The following OLAH variants were observed in gnomAD, a reference collection of about 807,000 sequenced individuals.
OLAH encodes the protein oleoyl-ACP hydrolase, also known as S-acyl fatty acid synthase thioesterase, medium chain.
In OLAH, 33 loss-of-function variants were observed where a neutral mutation model predicts 27.8. The observed-to-expected ratio is 1.19, with a 90% CI of 0.90 to 1.59. The LOEUF (loss-of-function observed/expected upper bound fraction) is 1.59, where lower values mean the gene tolerates loss of function less well. OLAH is among the 40% of genes most tolerant of loss of function. The probability of loss-of-function intolerance (pLI) is 0.00; values close to 1 mark genes in which losing one functional copy is unlikely to be tolerated. For synonymous variants in OLAH, 120 were observed against 102.9 expected, an observed-to-expected ratio of 1.17 and a Z score of -1.01; for missense variants, 359 against 310.8, an observed-to-expected ratio of 1.16 and a Z score of -1.17.
intron 3 of OLAH, among the ~76,000 whole-genome samples, chr10:15,055,938 C>A (rs1844237128): frequency 6.6e-6 from 1 of 151,960 alleles, no homozygotes; most frequent in Non-Finnish European, 1.5e-5. Flanking sequence ...AAATCTCCAC[C>A]TCCTGGGTTC....
intron 3 of OLAH, chr10:15,056,930 G>A (rs1173085114): frequency 2.0e-6 from 3 of 1,510,364 alleles, no homozygotes; most frequent in Admixed American, 4.3e-5. Context: ...GTAGGCGTGA[G>A]CCACCGTGCC....
chr10:15,070,874 C>A (rs1044964986), intron 6 of OLAH, among the ~76,000 whole-genome samples: 2 of 151,086 alleles, frequency 1.3e-5, no homozygotes, highest in African/African-American at 4.9e-5. Context: ...CAGCCTTGAC[C>A]TCCTGGGCTC....
At chr10:15,061,377 G>C (rs1433807075) in intron 3 of OLAH, among the ~76,000 whole-genome samples, 1 of 152,072 alleles carries the variant, frequency 6.6e-6, no homozygotes, top group Non-Finnish European at 1.5e-5. Flanking sequence ...GACCCTCTAG[G>C]TCACCCTTGA....
At chr10:15,060,324 C>A (rs1287082793) in intron 3 of OLAH, among the ~76,000 whole-genome samples, 1 of 152,090 alleles carries the variant, frequency 6.6e-6, no homozygotes, top group Non-Finnish European at 1.5e-5. Context: ...TGCATGCCAC[C>A]ACGCCCAGCC....
chr10:15,032,544 C>T (rs1161739665), intron 1 of OLAH, among the ~76,000 whole-genome samples: 10 of 150,718 alleles, frequency 6.6e-5, no homozygotes, highest in African/African-American at 2.0e-4. Flanking sequence ...TCACTTGAAC[C>T]CGGGAGGCAA....
At chr10:15,065,841 T>A in intron 6 of OLAH, 88 bp downstream of exon 6, 2 of 1,212,710 alleles carry the variant, frequency 1.6e-6, no homozygotes, top group East Asian at 2.4e-5. Flanking sequence ...GTTGCTTATG[T>A]GGGAAGACAA....
At chr10:15,072,967 A>G in intron 7 of OLAH, 120 bp from the exon 8 acceptor site, 1 of 884,066 alleles carries the variant, frequency 1.1e-6, no homozygotes, top group Non-Finnish European at 1.8e-6. Context: ...CATCACCTAG[A>G]ACATAAGGCC....
intron 3 of OLAH, among the ~76,000 whole-genome samples, chr10:15,052,082 A>G (rs1377850775): frequency 6.6e-6 from 1 of 152,166 alleles, no homozygotes; most frequent in Non-Finnish European, 1.5e-5. Flanking sequence ...CAGGAGTTCA[A>G]GACTAGCTTG....
chr10:15,042,344 G>A (rs1478802943), upstream of OLAH, among the ~76,000 whole-genome samples: 2 of 151,958 alleles, frequency 1.3e-5, no homozygotes, highest in East Asian at 3.9e-4. Context: ...GTAGAGACAG[G>A]GTTTCACTAT....
chr10:15,070,242 G>A (rs1342037330), intron 6 of OLAH, among the ~76,000 whole-genome samples: 1 of 150,798 alleles, frequency 6.6e-6, no homozygotes, highest in Admixed American at 6.6e-5. Flanking sequence ...TGGGATTACT[G>A]CAAGTCCCAC....
intron 3 of OLAH, among the ~76,000 whole-genome samples, chr10:15,061,043 A>C (rs1207545260): frequency 6.6e-6 from 1 of 152,126 alleles, no homozygotes; most frequent in African/African-American, 2.4e-5. Context: ...GGGTCATTTC[A>C]AGTTATTTTT....
upstream of OLAH, among the ~76,000 whole-genome samples, chr10:15,040,680 C>A (rs1589235760): frequency 6.7e-6 from 1 of 148,726 alleles, no homozygotes; most frequent in South Asian, 2.2e-4. Flanking sequence ...CCTATTCATT[C>A]ATTTATTGTT....
In OLAH at chr10:15,061,713, T is replaced by C. The variant is rs377692931; in HGVS notation, c.164-11T>C. On this transcript the variant is annotated splice_polypyrimidine_tract_variant and intron_variant, in intron 3 of 7. Transcript: ENST00000378228. ...GTCTGTGCGTGTTCACTTGTGTTTC[T>C]CCATCTCCAGTGCACTCCTTAAGGC... 74 of 1,589,088 alleles carry C rather than the reference T, an allele frequency of 4.7e-5. No individual in the cohort carries two copies. Among genetic ancestry groups the C allele is most frequent in the East Asian group, 4.3e-4 (19 of 44,506 alleles).
intron 6 of OLAH, among the ~76,000 whole-genome samples, chr10:15,068,693 G>A (rs1391631033): frequency 2.0e-5 from 3 of 152,190 alleles, no homozygotes; most frequent in Admixed American, 6.5e-5. Flanking sequence ...ACCGTGCCCA[G>A]TGATAATTTT....
At chr10:15,038,733 G>GT (rs1393787541) in intron 1 of OLAH, 1 of 152,174 alleles carries the variant, frequency 6.6e-6, no homozygotes, top group Non-Finnish European at 1.5e-5. Context: ...TCTCGGGTAT[G>GT]TTTTTATTAG....
intron 1 of OLAH, among the ~76,000 whole-genome samples, chr10:15,036,071 C>G (rs747163250): frequency 6.6e-6 from 1 of 152,214 alleles, no homozygotes; most frequent in African/African-American, 2.4e-5. Flanking sequence ...AAACTGCACA[C>G]GACCTGCTAA....
At chr10:15,047,813 C>CA (rs1156307804) in intron 2 of OLAH, among the ~76,000 whole-genome samples, 2 of 152,150 alleles carry the variant, frequency 1.3e-5, no homozygotes, top group East Asian at 3.9e-4. Context: ...TCCACCCCCC[C>CA]AAAAAAAGTT....
intron 1 of OLAH, among the ~76,000 whole-genome samples, chr10:15,046,710 G>T (rs1170722271): frequency 2.0e-5 from 3 of 152,016 alleles, no homozygotes; most frequent in Admixed American, 2.0e-4. Context: ...TCAAGTACTG[G>T]GATGAGCCGC....
At chr10:15,064,527 G>A (rs766986956) in intron 5 of OLAH, 25 bp downstream of exon 5, 2 of 1,350,506 alleles carry the variant, frequency 1.5e-6, no homozygotes, top group African/African-American at 1.5e-5. Context: ...TTTTTCCTAG[G>A]AAGGGCAGTG....
Sources: allele counts gnomAD v4.1 joint callset (sites outside exome capture counted in the v4.1 genomes callset), GRCh38; gene constraint gnomAD v4.1.1; transcripts MANE v1.5; gene names NCBI Gene and HGNC (gene_info 2026-07-23, HGNC 2026-07-21).